The following TMEM163 variants were observed in gnomAD, a reference collection of about 807,000 sequenced individuals.
The protein encoded by TMEM163 is transmembrane protein 163.
A neutral mutation model predicts 29.3 loss-of-function variants in TMEM163; 17 were observed. The ratio of observed to expected loss-of-function variants is 0.58; its 90% CI spans 0.40 to 0.87. TMEM163 has a LOEUF of 0.87. Among genes scored for constraint, TMEM163 ranks in the 40% least tolerant of loss-of-function variants. The probability of loss-of-function intolerance (pLI) is 0.00; values close to 1 mark genes in which losing one functional copy is unlikely to be tolerated. For missense variants in TMEM163, 303 were observed against 381.5 expected, an observed-to-expected ratio of 0.79 and a Z score of 1.71; for synonymous variants, 157 against 160.6, an observed-to-expected ratio of 0.98 and a Z score of 0.17.
At chr2:134,533,440 C>T (rs939665077) in intron 4 of TMEM163, among the ~76,000 whole-genome samples, 2 of 152,192 alleles carry the variant, frequency 1.3e-5, no homozygotes, top group Non-Finnish European at 2.9e-5. Flanking sequence ...GCACATGCAC[C>T]AAACTGTTCA....
chr2:134,471,945 C>T (rs1351823179), intron 5 of TMEM163, among the ~76,000 whole-genome samples: 2 of 152,244 alleles, frequency 1.3e-5, no homozygotes, highest in African/African-American at 4.8e-5. Context: ...TCCGTGAAAA[C>T]AGCAACAGCG....
intron 2 of TMEM163, among the ~76,000 whole-genome samples, chr2:134,593,814 T>C (rs912054153): frequency 6.6e-6 from 1 of 151,896 alleles, no homozygotes; most frequent in African/African-American, 2.4e-5. Context: ...TGGGAATTTT[T>C]TTTTTTTTTT....
At chr2:134,684,288 C>T (rs1684308556) in intron 2 of TMEM163, among the ~76,000 whole-genome samples, 1 of 152,118 alleles carries the variant, frequency 6.6e-6, no homozygotes. Context: ...ATAAACCTTA[C>T]CATCGAGAGG....
chr2:134,535,083 G>A (rs1680503172), intron 4 of TMEM163, among the ~76,000 whole-genome samples: 1 of 152,168 alleles, frequency 6.6e-6, no homozygotes, highest in Non-Finnish European at 1.5e-5. Flanking sequence ...TCTAACACAT[G>A]TCCTCATATT....
At chr2:134,468,932 CTG>C (rs1686729463) in intron 5 of TMEM163, 1 of 152,236 alleles carries the variant, frequency 6.6e-6, no homozygotes, top group South Asian at 2.1e-4. Context: ...ACTTGGATCT[CTG>C]TAAGCGGCAG....
intron 2 of TMEM163, among the ~76,000 whole-genome samples, chr2:134,572,559 C>T (rs1380320082): frequency 8.5e-5 from 13 of 152,246 alleles, no homozygotes; most frequent in South Asian, 6.2e-4. Flanking sequence ...TCTATTTCAA[C>T]GTCTTTATTT....
chr2:134,550,192 C>G (rs1680881091), intron 4 of TMEM163, among the ~76,000 whole-genome samples: 1 of 152,040 alleles, frequency 6.6e-6, no homozygotes, highest in African/African-American at 2.4e-5. Flanking sequence ...TTTAGAATGC[C>G]CTTAAGATGT....
chr2:134,590,613 G>A (rs1382683957), intron 2 of TMEM163, among the ~76,000 whole-genome samples: 1 of 152,162 alleles, frequency 6.6e-6, no homozygotes, highest in African/African-American at 2.4e-5. Flanking sequence ...AGAAAGTAAA[G>A]GAATAAAAGA....
rs538540250 is a variant in TMEM163, at chr2:134,652,088, A to G, written c.322+61112T>C. On this transcript the variant is annotated intron_variant, in intron 2 of 7. Coordinates refer to ENST00000281924, the MANE Select transcript of TMEM163 (RefSeq NM_030923.5). ...TTTTTCCAATTCTGTGAGGAAAGTCATTGGTAGCTTTATGGGAATGGCATT... is the reference window on the plus strand; with the variant it reads ...TTTTTCCAATTCTGTGAGGAAAGTCGTTGGTAGCTTTATGGGAATGGCATT... Among the ~76,000 whole-genome samples, 10 of 140,998 alleles carry G rather than the reference A, an allele frequency of 7.1e-5. 2 individuals are homozygous for G. The South Asian group carries it at 1.8e-3, about 26-fold the overall frequency. The allele number at this position is 140,998 out of a possible 152,430, so 92.5% of individuals were successfully genotyped here.
chr2:134,641,884 A>G (rs1032075375), intron 2 of TMEM163, among the ~76,000 whole-genome samples: 4 of 152,176 alleles, frequency 2.6e-5, no homozygotes, highest in Non-Finnish European at 5.9e-5. Context: ...GCCAAATGTA[A>G]AAAGATATAC....
rs551024421 is a variant in TMEM163 at position 134,458,596 on chromosome 2, T to TCA, written c.668-424_668-423insTG. 522 of 180,028 alleles carry TCA rather than the reference T, an allele frequency of 2.9e-3. 4 individuals are homozygous for TCA. Among genetic ancestry groups the TCA allele is most frequent in the African/African-American group, 0.011 (495 of 43,430 alleles). 11.2% of individuals were successfully genotyped at this position (180,028 alleles called of 1,614,324 possible). ...GTGTCTGCTGGGCCAGATTCCGAGTTGGGTGTTCAGGACGTGTGGTTACCT... is the reference window on the plus strand; with the variant it reads ...GTGTCTGCTGGGCCAGATTCCGAGTTCAGGGTGTTCAGGACGTGTGGTTACCT... On this transcript the variant is annotated intron_variant, in intron 6 of 7. Coordinates refer to ENST00000281924, the MANE Select transcript of TMEM163 (RefSeq NM_030923.5).
At chr2:134,605,644 C>A (rs1682337746) in intron 2 of TMEM163, among the ~76,000 whole-genome samples, 1 of 151,560 alleles carries the variant, frequency 6.6e-6, no homozygotes, top group Non-Finnish European at 1.5e-5. Flanking sequence ...TGAGATCGCG[C>A]CATTGCACTC....
At chr2:134,530,255 C>A (rs929222115) in intron 4 of TMEM163, among the ~76,000 whole-genome samples, 33 of 152,032 alleles carry the variant, frequency 2.2e-4, no homozygotes, top group African/African-American at 7.5e-4. Flanking sequence ...AAAAAAATGC[C>A]CCCTTGATTG....
At chr2:134,658,457 G>C (rs1015097281) in intron 2 of TMEM163, among the ~76,000 whole-genome samples, 1 of 152,036 alleles carries the variant, frequency 6.6e-6, no homozygotes, top group Admixed American at 6.5e-5. Flanking sequence ...AGTTTTTGGA[G>C]GACAGATCCT....
chr2:134,537,459 C>T (rs1304811392), intron 4 of TMEM163, among the ~76,000 whole-genome samples: 1 of 152,172 alleles, frequency 6.6e-6, no homozygotes, highest in Non-Finnish European at 1.5e-5. Context: ...TCCCTCTTCT[C>T]ATCATGGCAC....
At chr2:134,680,771 G>A (rs1198514438) in intron 2 of TMEM163, among the ~76,000 whole-genome samples, 1 of 152,134 alleles carries the variant, frequency 6.6e-6, no homozygotes, top group Non-Finnish European at 1.5e-5. Context: ...GAGAAAGGCT[G>A]GACTGTGGCA....
At chr2:134,563,579 C>G (rs1237686683) in intron 2 of TMEM163, among the ~76,000 whole-genome samples, 1 of 152,188 alleles carries the variant, frequency 6.6e-6, no homozygotes, top group African/African-American at 2.4e-5. Flanking sequence ...ATATGCAAGA[C>G]TTCTACCTAG....
At chr2:134,615,806 G>A (rs1233591890) in intron 2 of TMEM163, among the ~76,000 whole-genome samples, 9 of 151,908 alleles carry the variant, frequency 5.9e-5, no homozygotes, top group Non-Finnish European at 1.2e-4. Flanking sequence ...ACAGGTGCCC[G>A]CTGCCATGCC....
chr2:134,562,572 G>A (rs776565588), intron 2 of TMEM163, among the ~76,000 whole-genome samples: 49 of 152,302 alleles, frequency 3.2e-4, no homozygotes, highest in Non-Finnish European at 5.0e-4. Flanking sequence ...TTGAAAAGTC[G>A]CTTAAGAAAC....
Sources: allele counts gnomAD v4.1 joint callset (sites outside exome capture counted in the v4.1 genomes callset), GRCh38; gene constraint gnomAD v4.1.1; transcripts MANE v1.5; gene names NCBI Gene and HGNC (gene_info 2026-07-23, HGNC 2026-07-21).